Variants in NIPBL observed in about 807,000 individuals in gnomAD.
NIPBL encodes the protein NIPBL cohesin loading factor, also known as nipped-B-like protein.
In NIPBL, 19 loss-of-function variants were observed where a neutral mutation model predicts 321.8. The ratio of observed to expected loss-of-function variants is 0.06; its 90% CI spans 0.04 to 0.09. NIPBL has a LOEUF of 0.09. NIPBL is among the 10% of genes least tolerant of loss of function. NIPBL has a pLI of 1.00. For missense variants in NIPBL, 2,210 were observed against 3,327.0 expected (o/e 0.66, Z 8.26); for synonymous variants, 1,106 against 1,114.1 (o/e 0.99, Z 0.14).
chr5:36,999,784 G>A (rs1746572429), intron 11 of NIPBL, among the ~76,000 whole-genome samples: 1 of 152,174 alleles, frequency 6.6e-6, no homozygotes, highest in South Asian at 2.1e-4. Context: ...CATTATGTGA[G>A]TATTTACAAC....
Position 37,059,390 on chromosome 5 carries a change from C to G in NIPBL, c.7685+225C>G, listed in dbSNP as rs1328267183. ...AGTGTGGTGGTGCACGCCTGTGACC[C>G]CAGCTACTCAGGAGACTGAGGCAGG... On this transcript the variant is annotated intron_variant, in intron 44 of 46. Transcript: ENST00000282516. 1.3e-5 allele frequency among the ~76,000 whole-genome samples: 2 copies of G among 152,092 alleles called. 1 individual carries two copies. Among genetic ancestry groups the G allele is most frequent in the Admixed American group, 1.3e-4 (2 of 15,266 alleles).
Position 37,058,805 on chromosome 5 carries a change from G to T in NIPBL, c.7411-86G>T, listed in dbSNP as rs569613753. 4.0e-5 allele frequency: 48 copies of T among 1,205,876 alleles called. No homozygotes were observed. The African/African-American group carries it at 4.0e-4, about 10-fold the overall frequency. 74.7% of individuals were successfully genotyped at this position (1,205,876 alleles called of 1,614,324 possible). ...GTTTATAAAATATTAGTTTAAGGAA[G>T]CTTTTTCAAGCTGTTGAATGGAGCA... On this transcript the variant is annotated intron_variant, in intron 43 of 46. Coordinates refer to ENST00000282516, the MANE Select transcript of NIPBL (RefSeq NM_133433.4).
chr5:36,910,853 C>T (rs551982437), intron 1 of NIPBL, among the ~76,000 whole-genome samples: 31 of 152,152 alleles, frequency 2.0e-4, no homozygotes, highest in African/African-American at 7.5e-4. Flanking sequence ...GAGATTGTAG[C>T]CAAGGTTTAA....
At chr5:36,963,013 G>C (rs945638368) in intron 6 of NIPBL, among the ~76,000 whole-genome samples, 17 of 152,042 alleles carry the variant, frequency 1.1e-4, no homozygotes, top group Non-Finnish European at 2.1e-4. Flanking sequence ...AAAATTTACT[G>C]TAGTACAGTA....
chr5:36,910,175 G>A (rs925965300), intron 1 of NIPBL, among the ~76,000 whole-genome samples: 1 of 151,972 alleles, frequency 6.6e-6, no homozygotes, highest in Admixed American at 6.6e-5. Context: ...TTCTTATATT[G>A]TTGAAACAAA....
intron 1 of NIPBL, among the ~76,000 whole-genome samples, chr5:36,941,427 TA>T (rs1160249382): frequency 1.3e-5 from 2 of 148,450 alleles, no homozygotes; most frequent in Non-Finnish European, 3.0e-5. Flanking sequence ...TTAGGTACTT[TA>T]AAAAAAATCA....
At chr5:36,933,918 T>TG (rs11459189) in intron 1 of NIPBL, among the ~76,000 whole-genome samples, 30,601 of 151,722 alleles carry the variant, frequency 0.2, 4,014 homozygotes, top group African/African-American at 0.36. Context: ...AATAAGAGTA[T>TG]GGGGGGGTGG....
intron 6 of NIPBL, among the ~76,000 whole-genome samples, chr5:36,969,199 G>T (rs1742580979): frequency 6.6e-6 from 1 of 152,106 alleles, no homozygotes; most frequent in Non-Finnish European, 1.5e-5. Context: ...TGGATAGGAA[G>T]ACTCAATAGG....
At chr5:36,955,398 C>T (rs1302603442) in intron 2 of NIPBL, 74 bp from the exon 3 acceptor site, 6 of 1,270,480 alleles carry the variant, frequency 4.7e-6, no homozygotes, top group Non-Finnish European at 6.9e-6. Flanking sequence ...ACTTTTAATC[C>T]CAAAATACAG....
At chr5:36,900,300 G>T (rs1747102276) in intron 1 of NIPBL, among the ~76,000 whole-genome samples, 1 of 152,192 alleles carries the variant, frequency 6.6e-6, no homozygotes, top group South Asian at 2.1e-4. Context: ...TATTAATGAT[G>T]TAAAGTATAC....
chr5:37,009,320 CTG>C (rs930187030), intron 20 of NIPBL, among the ~76,000 whole-genome samples: 1 of 152,050 alleles, frequency 6.6e-6, no homozygotes. Context: ...ACTAAGCACA[CTG>C]TTAATAAGGA....
intron 6 of NIPBL, among the ~76,000 whole-genome samples, chr5:36,963,694 C>G (rs1042764452): frequency 1.3e-5 from 2 of 151,754 alleles, no homozygotes. Flanking sequence ...CCCAGCTACT[C>G]AGGAGGATGG....
chr5:37,026,180 T>C (rs1750240859), intron 30 of NIPBL, 49 bp from the exon 31 acceptor site: 1 of 1,074,528 alleles, frequency 9.3e-7, no homozygotes, highest in Admixed American at 1.9e-5. Context: ...AATTGTGAAA[T>C]TGCCGTATTT....
rs999218048 is a variant in NIPBL at position 36,877,167 on chromosome 5, C to G, written c.-91C>G. ...TCGGCCTCCCCTTGGATTCAGACGC[C>G]GATTCGCCCAGGTAAATTCCTGCTC... is the stretch of plus-strand genomic sequence containing the variant. On this transcript the variant is annotated 5_prime_UTR_variant, in exon 1 of 47. Transcript: ENST00000282516. The G allele has an allele frequency of 1.8e-5, 5 of 276,108 alleles. No homozygotes were observed. Among genetic ancestry groups the G allele is most frequent in the Middle Eastern group, 1.0e-3 (1 of 998 alleles). 17.1% of individuals were successfully genotyped at this position (276,108 alleles called of 1,614,324 possible). A position where few individuals can be genotyped will look rare whatever the true frequency, so the allele number is the denominator to read the frequency against.
intron 1 of NIPBL, among the ~76,000 whole-genome samples, chr5:36,900,147 TGA>T (rs1747089103): frequency 6.6e-6 from 1 of 152,142 alleles, no homozygotes; most frequent in South Asian, 2.1e-4. Context: ...CCTTCATATT[TGA>T]GAGTCACACA....
chr5:37,014,010 A>G (rs1035625533), intron 21 of NIPBL, among the ~76,000 whole-genome samples: 1 of 152,242 alleles, frequency 6.6e-6, no homozygotes, highest in African/African-American at 2.4e-5. Context: ...GCTGGAGACC[A>G]GCCCAGCCAA....
chr5:36,949,458 A>G (rs1740034017), intron 1 of NIPBL, among the ~76,000 whole-genome samples: 1 of 151,968 alleles, frequency 6.6e-6, no homozygotes, highest in Middle Eastern at 3.4e-3. Flanking sequence ...ATTCTTCATC[A>G]AATAGAACTG....
At chr5:36,892,857 G>T (rs949431818) in intron 1 of NIPBL, among the ~76,000 whole-genome samples, 8 of 152,100 alleles carry the variant, frequency 5.3e-5, no homozygotes, top group African/African-American at 1.4e-4. Flanking sequence ...GTTAATGGGT[G>T]CAGCACACCA....
Position 37,057,126 on chromosome 5 carries a change from T to G in NIPBL, c.7264-60T>G, listed in dbSNP as rs866065287. ...GCCCTGTATTTTTTCTAAAAAAGGT[T>G]TTTTGGTTGGGTTTCTAGATTATCC... On this transcript the variant is annotated intron_variant, in intron 42 of 46. Coordinates refer to ENST00000282516, the MANE Select transcript of NIPBL (RefSeq NM_133433.4). The G allele has an allele frequency of 1.6e-5, 25 of 1,591,690 alleles. 1 individual carries two copies. The Middle Eastern group carries it at 2.6e-3, about 163-fold the overall frequency.
Sources: allele counts gnomAD v4.1 joint callset (sites outside exome capture counted in the v4.1 genomes callset), GRCh38; gene constraint gnomAD v4.1.1; transcripts MANE v1.5; gene names NCBI Gene and HGNC (gene_info 2026-07-23, HGNC 2026-07-21).